Variants in FAT3 observed in about 807,000 individuals in gnomAD.
FAT3 encodes the protein protocadherin Fat 3.
Under a neutral mutation model 310.2 loss-of-function variants are expected in FAT3, and 95 were observed. That is an observed-to-expected ratio of 0.31 (90% CI 0.26 to 0.36). The LOEUF (loss-of-function observed/expected upper bound fraction) is 0.36, where lower values mean the gene tolerates loss of function less well. FAT3 is among the 10% of genes least tolerant of loss of function. The pLI is 1.00. For synonymous variants in FAT3, 2,314 were observed against 2,192.9 expected (o/e 1.06, Z -1.54); for missense variants, 5,408 against 5,715.6 (o/e 0.95, Z 1.74).
chr11:92,739,094 T>A (rs1269035967), intron 4 of FAT3, among the ~76,000 whole-genome samples: 1 of 152,088 alleles, frequency 6.6e-6, no homozygotes, highest in East Asian at 1.9e-4. Flanking sequence ...GGATCCTAAG[T>A]CTGTCTAAGG....
chr11:92,731,326 G>A (rs1945171773), intron 4 of FAT3, among the ~76,000 whole-genome samples: 1 of 152,142 alleles, frequency 6.6e-6, no homozygotes, highest in Admixed American at 6.5e-5. Flanking sequence ...GCAGAGAGCA[G>A]GTACCTAGTC....
At chr11:92,598,230 A>ATATTTT (rs756896313) in intron 3 of FAT3, among the ~76,000 whole-genome samples, 50 of 134,426 alleles carry the variant, frequency 3.7e-4, no homozygotes, top group African/African-American at 1.3e-3. Flanking sequence ...ATATATATAT[A>ATATTTT]TTTTTTTTTT....
intron 2 of FAT3, among the ~76,000 whole-genome samples, chr11:92,442,244 G>A (rs908319409): frequency 1.4e-5 from 2 of 146,996 alleles, no homozygotes; most frequent in Non-Finnish European, 3.0e-5. Context: ...CTCCTGAGTA[G>A]TTGGGACTAC....
intron 1 of FAT3, among the ~76,000 whole-genome samples, chr11:92,335,571 G>A (rs1406456437): frequency 1.3e-5 from 2 of 151,996 alleles, no homozygotes; most frequent in Non-Finnish European, 2.9e-5. Flanking sequence ...CCTAAAGAAG[G>A]CTTATTTAGA....
intron 3 of FAT3, among the ~76,000 whole-genome samples, chr11:92,537,531 T>C (rs1954300499): frequency 6.6e-6 from 1 of 152,130 alleles, no homozygotes; most frequent in South Asian, 2.1e-4. Context: ...AGACACTAGT[T>C]CCAGGATTCT....
chr11:92,450,960 G>T (rs970835333), intron 2 of FAT3, among the ~76,000 whole-genome samples: 1 of 152,166 alleles, frequency 6.6e-6, no homozygotes, highest in Non-Finnish European at 1.5e-5. Flanking sequence ...TTACTGGTCA[G>T]GCTTGAAATT....
chr11:92,840,848 T>G (rs1948527732), intron 18 of FAT3, 89 bp downstream of exon 18: 2 of 1,240,722 alleles, frequency 1.6e-6, no homozygotes, highest in Middle Eastern at 3.0e-4. Context: ...CTTTGCTGAG[T>G]AAGTCAACAT....
At chr11:92,473,164 A>G (rs1283852215) in intron 2 of FAT3, among the ~76,000 whole-genome samples, 2 of 152,114 alleles carry the variant, frequency 1.3e-5, no homozygotes, top group Non-Finnish European at 2.9e-5. Flanking sequence ...TCACGTATCT[A>G]TCTCTCTAAT....
chr11:92,665,785 T>C (rs554586100), intron 3 of FAT3, among the ~76,000 whole-genome samples: 1 of 152,336 alleles, frequency 6.6e-6, no homozygotes, highest in South Asian at 2.1e-4. Flanking sequence ...CATATTATCA[T>C]GTAGCCATGG....
chr11:92,745,747 T>C (rs545789111), intron 4 of FAT3, among the ~76,000 whole-genome samples: 1 of 152,322 alleles, frequency 6.6e-6, no homozygotes, highest in South Asian at 2.1e-4. Context: ...TTGTTGGGTT[T>C]AAACACAGGG....
At chr11:92,849,170 G>A (rs1948756356) in intron 19 of FAT3, among the ~76,000 whole-genome samples, 1 of 152,152 alleles carries the variant, frequency 6.6e-6, no homozygotes, top group East Asian at 1.9e-4. Flanking sequence ...GAGCTACAGA[G>A]CTAGTCAATG....
chr11:92,482,956 C>T (rs1007236375), intron 2 of FAT3, among the ~76,000 whole-genome samples: 1 of 152,120 alleles, frequency 6.6e-6, no homozygotes, highest in Non-Finnish European at 1.5e-5. Context: ...CAGTTATCAT[C>T]GTAAATCAAG....
At chr11:92,257,088 T>A (rs1865349314) in intron 1 of FAT3, among the ~76,000 whole-genome samples, 1 of 152,032 alleles carries the variant, frequency 6.6e-6, no homozygotes, top group Non-Finnish European at 1.5e-5. Flanking sequence ...CCAAATAAAC[T>A]CTTGTCCCTA....
rs1418576251 is a variant in FAT3, at chr11:92,762,150, G to A, written c.3964G>A (p.Gly1322Ser). The A allele has an allele frequency of 8.7e-6, 14 of 1,612,378 alleles. No individual in the cohort carries two copies. Among genetic ancestry groups the A allele is most frequent in the Non-Finnish European group, 1.2e-5 (14 of 1,178,844 alleles). ...TTCTTCTAGAAAGCAGTTTACAGCA[G>A]GCAGTTATGACATCCTAACGGTAAG... Reference protein sequence around the residue: ...MVSSRKQFTAGSYDILTIKAV... With the variant: ...MVSSRKQFTASSYDILTIKAV... The change falls in exon 5 of 28, where the codon GGC becomes AGC. Residue 1322 changes from glycine (G) to serine (S), a missense_variant. Transcript: ENST00000525166.
Position 92,594,745 on chromosome 11 carries a change from A to G in FAT3, c.3607+69797A>G, listed in dbSNP as rs1261206165. On this transcript the variant is annotated intron_variant, in intron 3 of 27. Transcript: ENST00000525166. ...GAGGCCTTTAGTCAAAAGACTGCCTATATGTTTTGCAGTAGTACCGTTGTA... is the reference window on the plus strand; with the variant it reads ...GAGGCCTTTAGTCAAAAGACTGCCTGTATGTTTTGCAGTAGTACCGTTGTA... Among the ~76,000 whole-genome samples the G allele has an allele frequency of 2.0e-5, 3 of 152,074 alleles. No homozygotes were observed. In the East Asian group the frequency reaches 5.8e-4, roughly 29 times the overall value.
chr11:92,614,056 A>G (rs1940691517), intron 3 of FAT3, among the ~76,000 whole-genome samples: 1 of 152,174 alleles, frequency 6.6e-6, no homozygotes, highest in Admixed American at 6.5e-5. Flanking sequence ...GGTCATTAAT[A>G]TTGCAGAGTG....
intron 3 of FAT3, among the ~76,000 whole-genome samples, chr11:92,582,161 C>G (rs1440976497): frequency 1.3e-5 from 2 of 151,872 alleles, no homozygotes; most frequent in East Asian, 3.9e-4. Context: ...AGAGGTCACT[C>G]TTGTCACCAT....
At chr11:92,811,988 A>G (rs1466803100) in intron 13 of FAT3, among the ~76,000 whole-genome samples, 2 of 152,220 alleles carry the variant, frequency 1.3e-5, no homozygotes, top group East Asian at 1.9e-4. Context: ...ATACTGACGA[A>G]GTGGTTGTGA....
At chr11:92,527,110 T>C (rs561749842) in intron 3 of FAT3, among the ~76,000 whole-genome samples, 2 of 152,196 alleles carry the variant, frequency 1.3e-5, no homozygotes, top group East Asian at 3.9e-4. Flanking sequence ...GGAGTGATGG[T>C]CAGGGAGGGC....
Sources: gnomAD v4.1 joint callset for allele counts (sites outside exome capture counted in the v4.1 genomes callset) on GRCh38, gnomAD v4.1.1 for gene constraint, MANE v1.5 for transcripts, NCBI Gene and HGNC (gene_info 2026-07-23, HGNC 2026-07-21) for gene names.